CERS6: variants seen among roughly 807,000 people sequenced by gnomAD.
CERS6 encodes LAG1 homolog, ceramide synthase 6.
CERS6 carries 26 observed loss-of-function variants against 56.8 expected under a neutral mutation model. That is an observed-to-expected ratio of 0.46 (90% CI 0.34 to 0.63). CERS6 has a LOEUF of 0.63. Among genes scored for constraint, CERS6 ranks in the 30% least tolerant of loss-of-function variants. The pLI is 0.01. For synonymous variants in CERS6, 164 were observed against 173.3 expected (o/e 0.95, Z 0.42); for missense variants, 415 against 467.5 (o/e 0.89, Z 1.04).
chr2:168,725,138 C>T (rs924919642), intron 8 of CERS6, among the ~76,000 whole-genome samples: 12 of 152,362 alleles, frequency 7.9e-5, no homozygotes, highest in South Asian at 2.1e-4. Context: ...GCCGCTGGCC[C>T]GGGTGCTAAG....
At position 168,770,366 on chromosome 2, in the gene CERS6, C is replaced by G. The variant is rs975792695; in HGVS notation, c.*704C>G. ...TGGGTGTGAGCTAGTTGAGGGTTAACCTTGTAGGTTGCAGAGTGTATTTGT... is the reference window on the plus strand; with the variant it reads ...TGGGTGTGAGCTAGTTGAGGGTTAAGCTTGTAGGTTGCAGAGTGTATTTGT... On this transcript the variant is annotated 3_prime_UTR_variant, in exon 10 of 10. Coordinates refer to ENST00000305747, the MANE Select transcript of CERS6 (RefSeq NM_203463.3). 2 of 152,212 alleles carry G rather than the reference C, an allele frequency of 1.3e-5. No individual in the cohort carries two copies. Among genetic ancestry groups the G allele is most frequent in the African/African-American group, 2.4e-5 (1 of 41,440 alleles). The allele number at this position is 152,212 out of a possible 1,614,324, so 9.4% of individuals were successfully genotyped here.
At chr2:168,759,196 G>C (rs1016266359) in intron 8 of CERS6, among the ~76,000 whole-genome samples, 1 of 152,184 alleles carries the variant, frequency 6.6e-6, no homozygotes, top group African/African-American at 2.4e-5. Flanking sequence ...GCTTTGCCCT[G>C]TAGGTGCATT....
intron 3 of CERS6, among the ~76,000 whole-genome samples, chr2:168,618,687 C>T (rs745419863): frequency 7.2e-5 from 11 of 152,120 alleles, no homozygotes; most frequent in Non-Finnish European, 1.3e-4. Context: ...GGTGAAAGAC[C>T]TCTACAAGGA....
intron 8 of CERS6, among the ~76,000 whole-genome samples, chr2:168,726,301 T>C (rs897058592): frequency 1.3e-5 from 2 of 152,200 alleles, no homozygotes; most frequent in Non-Finnish European, 2.9e-5. Context: ...AACAGGTGCT[T>C]ACTATGTTCC....
intron 3 of CERS6, among the ~76,000 whole-genome samples, chr2:168,610,847 G>A (rs959833152): frequency 5.9e-5 from 9 of 151,964 alleles, no homozygotes; most frequent in African/African-American, 9.7e-5. Context: ...TTGCCCTGCC[G>A]CCTAGGCTGG....
chr2:168,515,995 A>G (rs1460320999), intron 1 of CERS6, among the ~76,000 whole-genome samples: 1 of 152,224 alleles, frequency 6.6e-6, no homozygotes, highest in Non-Finnish European at 1.5e-5. Context: ...GAATTCAGCA[A>G]ATGTTTGTAT....
intron 6 of CERS6, among the ~76,000 whole-genome samples, chr2:168,709,063 G>T (rs971884670): frequency 2.6e-5 from 4 of 152,120 alleles, no homozygotes; most frequent in South Asian, 4.2e-4. Flanking sequence ...TTATATAGAC[G>T]TTCAGATCTG....
chr2:168,614,824 A>G (rs1684276604), intron 3 of CERS6, among the ~76,000 whole-genome samples: 1 of 152,076 alleles, frequency 6.6e-6, no homozygotes, highest in Admixed American at 6.5e-5. Flanking sequence ...TACTCTTGGG[A>G]GTTCTAGGTC....
intron 4 of CERS6, among the ~76,000 whole-genome samples, chr2:168,668,170 C>T (rs1685812892): frequency 6.6e-6 from 1 of 152,170 alleles, no homozygotes. Flanking sequence ...TGATTTTCTT[C>T]TTGACTTTGC....
rs184792028 is a variant in CERS6 at position 168,609,243 on chromosome 2, C to T, written c.408-21742C>T. 5.9e-5 allele frequency among the ~76,000 whole-genome samples: 9 copies of T among 152,336 alleles called. No homozygotes were observed. In the East Asian group the frequency reaches 1.7e-3, roughly 29 times the overall value. On this transcript the variant is annotated intron_variant, in intron 3 of 9. Coordinates refer to ENST00000305747, the MANE Select transcript of CERS6 (RefSeq NM_203463.3). ...CTCTTGGGCTCAAGGGATCCTCCCG[C>T]TTCAGCCTCCCAAGTAGCTGGGACT...
At chr2:168,565,428 T>C (rs773939916) in intron 3 of CERS6, among the ~76,000 whole-genome samples, 11 of 152,328 alleles carry the variant, frequency 7.2e-5, no homozygotes, top group Admixed American at 1.3e-4. Flanking sequence ...AGACAGTTGC[T>C]GTTCAGAAAT....
intron 8 of CERS6, among the ~76,000 whole-genome samples, chr2:168,759,896 T>G (rs953682592): frequency 2.0e-5 from 3 of 146,468 alleles, no homozygotes; most frequent in African/African-American, 2.5e-5. Flanking sequence ...ACGTTGTGTG[T>G]GTTTTTTTTT....
At chr2:168,552,349 T>TACACACACAC (rs56340726) in intron 2 of CERS6, among the ~76,000 whole-genome samples, 16 of 140,002 alleles carry the variant, frequency 1.1e-4, no homozygotes, top group Admixed American at 5.0e-4. Flanking sequence ...ATACAGAGTA[T>TACACACACAC]ACACACACAC....
chr2:168,634,752 C>T (rs1157471651), intron 4 of CERS6, among the ~76,000 whole-genome samples: 3 of 152,090 alleles, frequency 2.0e-5, no homozygotes, highest in South Asian at 4.2e-4. Flanking sequence ...TTCGCACACA[C>T]GCATGTATGT....
At chr2:168,550,864 C>T (rs1558994020) in intron 2 of CERS6, among the ~76,000 whole-genome samples, 1 of 152,230 alleles carries the variant, frequency 6.6e-6, no homozygotes, top group Non-Finnish European at 1.5e-5. Flanking sequence ...TCTGTGTTTG[C>T]ACTCGGCCCT....
chr2:168,683,974 A>G (rs1230494610), intron 4 of CERS6, among the ~76,000 whole-genome samples: 1 of 152,166 alleles, frequency 6.6e-6, no homozygotes, highest in African/African-American at 2.4e-5. Flanking sequence ...GCTTGTTTCT[A>G]TGATAGAACC....
At chr2:168,617,517 C>T (rs537047271) in intron 3 of CERS6, among the ~76,000 whole-genome samples, 4 of 151,948 alleles carry the variant, frequency 2.6e-5, no homozygotes. Flanking sequence ...AGAGAAAATC[C>T]AAATAAGTTC....
At chr2:168,517,003 A>G (rs1694894895) in intron 1 of CERS6, among the ~76,000 whole-genome samples, 1 of 152,076 alleles carries the variant, frequency 6.6e-6, no homozygotes, top group South Asian at 2.1e-4. Flanking sequence ...TGTTAGGATA[A>G]TGAGCCAAAT....
chr2:168,457,394 T>C lies in CERS6; in HGVS notation c.170+776T>C, dbSNP rs76559720. On this transcript the variant is annotated intron_variant, in intron 1 of 9. Coordinates refer to ENST00000305747, the MANE Select transcript of CERS6 (RefSeq NM_203463.3). ...ATTTTGAGGAATTGTCATGCAATTG[T>C]ATAGTTCCTCGGTTTGGTTGGATAT... Among the ~76,000 whole-genome samples, 564 of 152,324 alleles carry C rather than the reference T, an allele frequency of 3.7e-3. 2 individuals carry two copies. Among genetic ancestry groups the C allele is most frequent in the Middle Eastern group, 0.01 (3 of 294 alleles).
Sources: allele counts gnomAD v4.1 joint callset (sites outside exome capture counted in the v4.1 genomes callset), GRCh38; gene constraint gnomAD v4.1.1; transcripts MANE v1.5; gene names NCBI Gene and HGNC (gene_info 2026-07-23, HGNC 2026-07-21).